Variants in CSTPP1 observed in about 807,000 individuals in gnomAD.
CSTPP1 encodes UPF0705 protein C11orf49.
the CSTPP1 span, among the ~76,000 whole-genome samples, chr11:47,061,539 A>C: frequency 1.3e-5 from 2 of 152,188 alleles, no homozygotes; most frequent in African/African-American, 4.8e-5. Flanking sequence ...GCGCTTTACT[A>C]CAGGAGTGGG....
At chr11:47,086,356 A>G in the CSTPP1 span, among the ~76,000 whole-genome samples, 6 of 151,926 alleles carry the variant, frequency 3.9e-5, no homozygotes, top group Non-Finnish European at 8.8e-5. Flanking sequence ...CAGAGAGCCA[A>G]GATTGCGCCA....
chr11:47,085,215 A>T, the CSTPP1 span, among the ~76,000 whole-genome samples: 1 of 152,108 alleles, frequency 6.6e-6, no homozygotes, highest in Non-Finnish European at 1.5e-5. Flanking sequence ...ACAAACAAAC[A>T]AACAGTAAGA....
At chr11:46,967,324 A>G in the CSTPP1 span, among the ~76,000 whole-genome samples, 2 of 152,076 alleles carry the variant, frequency 1.3e-5, no homozygotes, top group Non-Finnish European at 2.9e-5. Context: ...AAAAGATTAT[A>G]TTTTCTCCAA....
the CSTPP1 span, among the ~76,000 whole-genome samples, chr11:47,019,599 G>A: frequency 6.6e-6 from 1 of 152,148 alleles, no homozygotes; most frequent in Non-Finnish European, 1.5e-5. Flanking sequence ...CTGGTCGGTG[G>A]AGGAGTCAGA....
chr11:47,136,438 A>C, the CSTPP1 span, among the ~76,000 whole-genome samples: 1 of 152,150 alleles, frequency 6.6e-6, no homozygotes, highest in Non-Finnish European at 1.5e-5. Flanking sequence ...ATTGACGCTG[A>C]GTCTGTTCCT....
chr11:47,157,792 T>C, the CSTPP1 span: 3 of 1,608,012 alleles, frequency 1.9e-6, no homozygotes, highest in Non-Finnish European at 2.6e-6. Context: ...AGGCTCTGAA[T>C]GTGGCATCTC....
At chr11:47,138,282 C>A in the CSTPP1 span, among the ~76,000 whole-genome samples, 1 of 152,154 alleles carries the variant, frequency 6.6e-6, no homozygotes, top group African/African-American at 2.4e-5. Flanking sequence ...CTTCAGAACT[C>A]ACTCACTATC....
chr11:47,017,984 G>A, the CSTPP1 span, among the ~76,000 whole-genome samples: 37 of 152,232 alleles, frequency 2.4e-4, no homozygotes, highest in East Asian at 9.7e-4. Context: ...AGTATATAAC[G>A]TTTTGAGATT....
At chr11:46,987,377 T>G in the CSTPP1 span, 1 of 1,321,270 alleles carries the variant, frequency 7.6e-7, no homozygotes, top group Non-Finnish European at 1.1e-6. Flanking sequence ...GGCAGGATAC[T>G]TGAGGAACAG....
the CSTPP1 span, among the ~76,000 whole-genome samples, chr11:47,128,815 T>A: frequency 2.0e-5 from 3 of 152,212 alleles, no homozygotes; most frequent in Non-Finnish European, 4.4e-5. Flanking sequence ...CAGATAGGTA[T>A]AATCCTTTGC....
At chr11:46,950,363 C>T in the CSTPP1 span, among the ~76,000 whole-genome samples, 263 of 151,234 alleles carry the variant, frequency 1.7e-3, 2 homozygotes, top group African/African-American at 6.3e-3. Flanking sequence ...TTAGTAGAGA[C>T]GGAGTTTCAC....
At chr11:47,158,374 G>C in the CSTPP1 span, among the ~76,000 whole-genome samples, 17 of 151,970 alleles carry the variant, frequency 1.1e-4, no homozygotes, top group African/African-American at 4.1e-4. Flanking sequence ...CTGAAAGGGA[G>C]AAAAACAAAA....
chr11:46,967,989 C>T, the CSTPP1 span, among the ~76,000 whole-genome samples: 1 of 151,774 alleles, frequency 6.6e-6, no homozygotes, highest in African/African-American at 2.4e-5. Flanking sequence ...TAGGGAAGGG[C>T]GGAAGAAAGC....
chr11:47,101,190 A>T, the CSTPP1 span, among the ~76,000 whole-genome samples: 39,158 of 62,218 alleles, frequency 0.63, 15,055 homozygotes, highest in East Asian at 0.89. Flanking sequence ...TTTTTTTTTT[A>T]TTTTATTTTT....
chr11:47,028,919 C>T, the CSTPP1 span, among the ~76,000 whole-genome samples: 1 of 151,850 alleles, frequency 6.6e-6, no homozygotes, highest in Non-Finnish European at 1.5e-5. Context: ...CTCACTGTAA[C>T]CTCTCCCTCC....
the CSTPP1 span, among the ~76,000 whole-genome samples, chr11:46,942,331 G>A: frequency 2.0e-5 from 3 of 152,328 alleles, no homozygotes; most frequent in African/African-American, 7.2e-5. Flanking sequence ...AGGTGTGTCT[G>A]TGTATCTGGT....
At chr11:47,071,004 T>C in the CSTPP1 span, among the ~76,000 whole-genome samples, 1 of 152,100 alleles carries the variant, frequency 6.6e-6, no homozygotes, top group Non-Finnish European at 1.5e-5. Flanking sequence ...CTTTCCCCCA[T>C]GTCTGTCTGT....
At chr11:47,005,730 T>G in the CSTPP1 span, among the ~76,000 whole-genome samples, 2 of 152,198 alleles carry the variant, frequency 1.3e-5, no homozygotes, top group African/African-American at 4.8e-5. Flanking sequence ...TTGGGCAGAT[T>G]GCTTACCTCA....
the CSTPP1 span, among the ~76,000 whole-genome samples, chr11:47,151,287 T>C: frequency 6.6e-6 from 1 of 152,006 alleles, no homozygotes; most frequent in Non-Finnish European, 1.5e-5. Context: ...GGCGCACGCC[T>C]GTAGTCCCAG....
Sources: gnomAD v4.1 joint callset for allele counts (sites outside exome capture counted in the v4.1 genomes callset) on GRCh38, gnomAD v4.1.1 for gene constraint, MANE v1.5 for transcripts, NCBI Gene and HGNC (gene_info 2026-07-23, HGNC 2026-07-21) for gene names.